Variants in IQCH observed in about 807,000 individuals in gnomAD.
IQCH encodes the protein IQ motif containing H, also known as IQ domain-containing protein H.
Under a neutral mutation model 117.0 loss-of-function variants are expected in IQCH, and 98 were observed. That is an observed-to-expected ratio of 0.84 (90% CI 0.71 to 0.99). The LOEUF is 0.99. Ranked by LOEUF, IQCH falls within the 50% of genes least tolerant of loss-of-function variation. The pLI is 0.00. For missense variants in IQCH, 1,102 were observed against 1,243.8 expected (o/e 0.89, Z 1.72); for synonymous variants, 412 against 448.2 (o/e 0.92, Z 1.02).
At chr15:67,351,309 C>T (rs967352837) in intron 6 of IQCH, among the ~76,000 whole-genome samples, 1 of 151,044 alleles carries the variant, frequency 6.6e-6, no homozygotes, top group Non-Finnish European at 1.5e-5. Flanking sequence ...TCTCATTGTT[C>T]AGCTCCCATT....
intron 13 of IQCH, among the ~76,000 whole-genome samples, chr15:67,397,142 A>G (rs1971497511): frequency 6.6e-6 from 1 of 152,266 alleles, no homozygotes; most frequent in Non-Finnish European, 1.5e-5. Context: ...AAATTATATT[A>G]TTACACACAT....
intron 5 of IQCH, 58 bp from the exon 6 acceptor site, chr15:67,344,005 T>G: frequency 3.3e-6 from 5 of 1,500,440 alleles, no homozygotes; most frequent in Non-Finnish European, 4.6e-6. Context: ...TTTATAGAGC[T>G]CAGACTTTGT....
chr15:67,277,931 A>C (rs1966197435), intron 3 of IQCH, among the ~76,000 whole-genome samples: 1 of 152,122 alleles, frequency 6.6e-6, no homozygotes, highest in Non-Finnish European at 1.5e-5. Flanking sequence ...GCAGTCTTTC[A>C]TCTATAATCT....
Position 67,445,435 on chromosome 15 carries a change from G to C in IQCH, c.2506-19692G>C, listed in dbSNP as rs2140976958. ...TCCCACCCCAGAGTACCTACCTCAT[G>C]TCTGGTTTTTTTGTTTGTTTTTGAG... On this transcript the variant is annotated intron_variant, in intron 16 of 20. Transcript: ENST00000335894. The surrounding 1 kb of genome is among the most constrained non-coding windows in gnomAD (Gnocchi z 4.3). Among the ~76,000 whole-genome samples, 1 of 149,116 alleles carries C rather than the reference G, an allele frequency of 6.7e-6. No homozygotes were observed. Among genetic ancestry groups the C allele is most frequent in the South Asian group, 2.2e-4 (1 of 4,626 alleles).
chr15:67,428,430 C>T (rs1337289974), intron 16 of IQCH, among the ~76,000 whole-genome samples: 1 of 152,120 alleles, frequency 6.6e-6, no homozygotes, highest in African/African-American at 2.4e-5. Flanking sequence ...CCCTAATTCC[C>T]CAAATCTGTG....
At chr15:67,450,289 C>T (rs557404498) in intron 16 of IQCH, among the ~76,000 whole-genome samples, 3,260 of 152,262 alleles carry the variant, frequency 0.021, 118 homozygotes, top group African/African-American at 0.071. Flanking sequence ...GGGGGCATCC[C>T]TGTCTTGTGC....
intron 16 of IQCH, among the ~76,000 whole-genome samples, chr15:67,439,578 C>A (rs923551822): frequency 6.6e-6 from 1 of 151,936 alleles, no homozygotes; most frequent in Admixed American, 6.6e-5. Context: ...AAATTTGAAA[C>A]AAACAAACAA....
At chr15:67,477,403 T>C (rs924564908) in intron 18 of IQCH, among the ~76,000 whole-genome samples, 2 of 152,094 alleles carry the variant, frequency 1.3e-5, no homozygotes, top group African/African-American at 4.8e-5. Context: ...GCCAAATGAA[T>C]AGAATGGTCT....
rs1411727243 is a variant in IQCH at position 67,405,520 on chromosome 15, T to C, written c.2097+5215T>C. 1 of 152,040 alleles carries C rather than the reference T, an allele frequency of 6.6e-6. No homozygotes were observed. Among genetic ancestry groups the C allele is most frequent in the African/African-American group, 2.4e-5 (1 of 41,392 alleles). The allele number at this position is 152,040 out of a possible 1,614,324, so 9.4% of individuals were successfully genotyped here. A position where few individuals can be genotyped will look rare whatever the true frequency, so the allele number is the denominator to read the frequency against. ...ATTTAAACTCAGAAAAACCCTGAGG[T>C]TTTTACTCATTTACTTCCACACCAA... On this transcript the variant is annotated intron_variant, in intron 14 of 20. Transcript: ENST00000335894. This position sits in a 1 kb window ranked among gnomAD's most constrained non-coding sequence, Gnocchi z 4.8.
chr15:67,440,212 T>C (rs1023801528), intron 16 of IQCH, among the ~76,000 whole-genome samples: 1 of 152,086 alleles, frequency 6.6e-6, no homozygotes, highest in African/African-American at 2.4e-5. Context: ...AGCAAAGAGA[T>C]TGAAGTGGTA....
Position 67,416,976 on chromosome 15 carries a change from G to A in IQCH, c.2143G>A (p.Ala715Thr). 1 of 1,608,514 alleles carries A rather than the reference G, an allele frequency of 6.2e-7. No individual in the cohort carries two copies. The highest frequency in any genetic ancestry group is 8.5e-7 in the Non-Finnish European group (1 of 1,177,524). ...CTCTGAGGAGCTGGCGGGCATTTTA[G>A]CACAGCACGCACAGCCAGTCAATGA... is the stretch of plus-strand genomic sequence containing the variant. ...KISEELAGIL[A>T]QHAQPVNEKR... The change falls in exon 15 of 21, where the codon GCA (alanine) becomes ACA (threonine). Residue 715 changes from alanine (A) to threonine (T), a missense_variant. Coordinates refer to ENST00000335894, the MANE Select transcript of IQCH (RefSeq NM_001031715.3). This position sits in a 1 kb window ranked among gnomAD's most constrained non-coding sequence, Gnocchi z 5.1.
rs1332435023 is a variant in IQCH, at chr15:67,411,126, C to T, written c.2098-5805C>T. On this transcript the variant is annotated intron_variant, in intron 14 of 20. Transcript: ENST00000335894. This position sits in a 1 kb window ranked among gnomAD's most constrained non-coding sequence, Gnocchi z 4.4. ...AAAAGTGACTAAAATGTATCCTGTG[C>T]ACACGGAGGCAGCCCTTCTAAATTC... Among the ~76,000 whole-genome samples the T allele has an allele frequency of 1.3e-5, 2 of 152,122 alleles. No individual in the cohort carries two copies. The highest frequency in any genetic ancestry group is 6.5e-5 in the Admixed American group (1 of 15,278).
At chr15:67,260,407 T>A (rs1414008266) in intron 1 of IQCH, among the ~76,000 whole-genome samples, 2 of 152,226 alleles carry the variant, frequency 1.3e-5, no homozygotes, top group African/African-American at 4.8e-5. Flanking sequence ...CTTCAGGGAT[T>A]ATTTTCATTT....
rs754615053 is a variant in IQCH at position 67,280,725 on chromosome 15, A to G, written c.387+1213A>G. On this transcript the variant is annotated intron_variant, in intron 4 of 20. Coordinates refer to ENST00000335894, the MANE Select transcript of IQCH (RefSeq NM_001031715.3). ...GGGGCACAAACATTCAGTCCATAGC[A>G]TGCCCTGACTTAAAAGTAATACTAG... Among the ~76,000 whole-genome samples the G allele has an allele frequency of 1.2e-4, 18 of 152,166 alleles. 1 individual carries two copies. The highest frequency in any genetic ancestry group is 2.1e-4 in the South Asian group (1 of 4,826).
chr15:67,299,451 A>G lies in IQCH; in HGVS notation c.387+19939A>G, dbSNP rs1050451269. Among the ~76,000 whole-genome samples the G allele has an allele frequency of 9.2e-5, 14 of 152,160 alleles. No individual in the cohort carries two copies. In the East Asian group the frequency reaches 2.5e-3, roughly 27 times the overall value. On this transcript the variant is annotated intron_variant, in intron 4 of 20. Coordinates refer to ENST00000335894, the MANE Select transcript of IQCH (RefSeq NM_001031715.3). The stretch of plus-strand genomic sequence containing the variant: ...AAAGTGTATAACTGGATTGTTTGTA[A>G]TACAAAGAAAGGATAAATGCTTGAG...
chr15:67,296,309 AC>A (rs1461662008), intron 4 of IQCH, among the ~76,000 whole-genome samples: 1 of 152,188 alleles, frequency 6.6e-6, no homozygotes, highest in Non-Finnish European at 1.5e-5. Flanking sequence ...GAAGAGGAAG[AC>A]ATTCGCAGAA....
At chr15:67,291,408 A>G (rs1966746939) in intron 4 of IQCH, among the ~76,000 whole-genome samples, 2 of 152,160 alleles carry the variant, frequency 1.3e-5, no homozygotes, top group South Asian at 2.1e-4. Context: ...TTCAACAGTC[A>G]TCTAATTCTA....
rs1474742757 is a variant in IQCH at position 67,406,018 on chromosome 15, A to G, written c.2097+5713A>G. 1 of 152,214 alleles carries G rather than the reference A, an allele frequency of 6.6e-6. No homozygotes were observed. Among genetic ancestry groups the G allele is most frequent in the African/African-American group, 2.4e-5 (1 of 41,434 alleles). 9.4% of individuals were successfully genotyped at this position (152,214 alleles called of 1,614,324 possible). On this transcript the variant is annotated intron_variant, in intron 14 of 20. Transcript: ENST00000335894. This position sits in a 1 kb window ranked among gnomAD's most constrained non-coding sequence, Gnocchi z 4.5. ...TTCTAGGATTCAGCTCTTGCAACCC[A>G]ACTGCCTCATATACCTGGTTATGTG...
chr15:67,415,831 G>C (rs187500171), intron 14 of IQCH, among the ~76,000 whole-genome samples: 195 of 152,086 alleles, frequency 1.3e-3, no homozygotes, highest in African/African-American at 4.2e-3. Flanking sequence ...TATGAGTTTC[G>C]ATCCAGTACC....
Sources: gnomAD v4.1 joint callset for allele counts (sites outside exome capture counted in the v4.1 genomes callset) on GRCh38, gnomAD v4.1.1 for gene constraint, Gnocchi (gnomAD v3.1) non-coding constraint, MANE v1.5 for transcripts, NCBI Gene and HGNC (gene_info 2026-07-23, HGNC 2026-07-21) for gene names.